Variants in ADGRD1 observed in about 807,000 individuals in gnomAD.
The protein encoded by ADGRD1 is G-protein coupled receptor 133.
In ADGRD1, 77 loss-of-function variants were observed where a neutral mutation model predicts 113.4. The observed-to-expected ratio is 0.68, with a 90% CI of 0.57 to 0.82. The LOEUF is 0.82. ADGRD1 is among the 40% of genes least tolerant of loss of function. The probability of loss-of-function intolerance (pLI) is 0.00; values close to 1 mark genes in which losing one functional copy is unlikely to be tolerated. For synonymous variants in ADGRD1, 474 were observed against 475.0 expected, an observed-to-expected ratio of 1.00 and a Z score of 0.03; for missense variants, 1,036 against 1,139.1, an observed-to-expected ratio of 0.91 and a Z score of 1.30.
rs7315869 is a variant in ADGRD1, at chr12:131,003,650, G to A, written c.1144+348G>A. On this transcript the variant is annotated intron_variant, in intron 10 of 24. Transcript: ENST00000261654. This position sits in a 1 kb window ranked among gnomAD's most constrained non-coding sequence, Gnocchi z 4.8. ...GGTTTCTGGCGTCAGCTTGCTCTCA[G>A]CTGGGCTCCAGGGTAATTGTCACAG... Among the ~76,000 whole-genome samples, 141,303 of 152,280 alleles carry A rather than the reference G, an allele frequency of 0.93. 66,465 individuals are homozygous for A. Among genetic ancestry groups the A allele is most frequent in the East Asian group, 1 (5,180 of 5,180 alleles).
intron 15 of ADGRD1, among the ~76,000 whole-genome samples, chr12:131,087,658 G>C (rs1179485777): frequency 6.6e-6 from 1 of 152,174 alleles, no homozygotes; most frequent in African/African-American, 2.4e-5. Context: ...ATCCCGAGGG[G>C]ATGTTCCTTA....
At chr12:131,120,971 G>A in intron 20 of ADGRD1, 58 bp downstream of exon 20, 4 of 1,511,858 alleles carry the variant, frequency 2.6e-6, no homozygotes, top group Non-Finnish European at 3.6e-6. Flanking sequence ...GGAGGAGAGG[G>A]TGTGGGGCTC....
chr12:131,042,844 GC>G (rs1422201806), intron 13 of ADGRD1, among the ~76,000 whole-genome samples: 2 of 152,260 alleles, frequency 1.3e-5, no homozygotes, highest in African/African-American at 4.8e-5. Context: ...GATTTAGCTG[GC>G]AACAGTTACG....
chr12:131,009,670 T>A (rs1877618348), intron 12 of ADGRD1, among the ~76,000 whole-genome samples: 1 of 152,082 alleles, frequency 6.6e-6, no homozygotes, highest in South Asian at 2.1e-4. Context: ...TGCACACAGG[T>A]GCATGTATGT....
Position 130,971,587 on chromosome 12 carries a change from G to A in ADGRD1, c.310+7G>A. The A allele has an allele frequency of 6.2e-7, 1 of 1,600,794 alleles. No individual in the cohort carries two copies. The highest frequency in any genetic ancestry group is 8.5e-7 in the Non-Finnish European group (1 of 1,173,918). ...GAGCAGTGTGGCCCTGAAGGTGAGTGGCTGATCCCTGCGGCATCTTTGTCA... is the reference window on the plus strand; with the variant it reads ...GAGCAGTGTGGCCCTGAAGGTGAGTAGCTGATCCCTGCGGCATCTTTGTCA... On this transcript the variant is annotated splice_region_variant and intron_variant, in intron 4 of 24. Coordinates refer to ENST00000261654, the MANE Select transcript of ADGRD1 (RefSeq NM_198827.5). The surrounding 1 kb of genome is among the most constrained non-coding windows in gnomAD (Gnocchi z 4.2).
intron 21 of ADGRD1, among the ~76,000 whole-genome samples, chr12:131,133,443 C>T (rs1214048070): frequency 2.0e-5 from 3 of 152,236 alleles, no homozygotes; most frequent in Non-Finnish European, 4.4e-5. Flanking sequence ...CTCCAAGCGA[C>T]AGGCTGGCAC....
intron 13 of ADGRD1, among the ~76,000 whole-genome samples, chr12:131,018,218 C>T (rs1315797695): frequency 6.6e-6 from 1 of 152,232 alleles, no homozygotes; most frequent in Non-Finnish European, 1.5e-5. Flanking sequence ...TCCCACTCCT[C>T]CAGCTCCCAG....
At chr12:130,995,908 G>A (rs1875236547) in intron 8 of ADGRD1, among the ~76,000 whole-genome samples, 1 of 152,150 alleles carries the variant, frequency 6.6e-6, no homozygotes. Context: ...GGTTTTCCTA[G>A]GCAGAGGACC....
chr12:131,087,652 C>T (rs960893440), intron 15 of ADGRD1, among the ~76,000 whole-genome samples: 5 of 152,204 alleles, frequency 3.3e-5, no homozygotes, highest in East Asian at 1.9e-4. Context: ...CAGATAATCC[C>T]GAGGGGATGT....
At position 131,004,187 on chromosome 12, in the gene ADGRD1, G is replaced by A. The variant is rs777405797; in HGVS notation, c.1146G>A (p.Glu382=). Residue 382 remains glutamate, a splice_region_variant and synonymous_variant, in exon 11 of 25, where the codon GAG becomes GAA. Coordinates refer to ENST00000261654, the MANE Select transcript of ADGRD1 (RefSeq NM_198827.5). ...VTVEGSSAMA[E]FSVAKILPKT... ...GCTCTCTCGCTCCTTCCACCGCAGA[G>A]TTTTCCGTGGCCAAAATCCTGCCCA... The A allele has an allele frequency of 7.5e-6, 12 of 1,610,336 alleles. No individual in the cohort carries two copies. The highest frequency in any genetic ancestry group is 1.3e-5 in the African/African-American group (1 of 74,800).
In ADGRD1 at chr12:130,966,125, C is replaced by T. The variant is rs751439846; in HGVS notation, c.104-338C>T. ...ACTCTAAAATAATGGTAAATAACAG[C>T]GGGATATGGAACATTCTTATCTTTT... is the stretch of plus-strand genomic sequence containing the variant. On this transcript the variant is annotated intron_variant, in intron 2 of 24. Transcript: ENST00000261654. The surrounding 1 kb of genome is among the most constrained non-coding windows in gnomAD (Gnocchi z 4.6). 8.5e-5 allele frequency among the ~76,000 whole-genome samples: 13 copies of T among 152,092 alleles called. No homozygotes were observed. The highest frequency in any genetic ancestry group is 1.2e-4 in the Non-Finnish European group (8 of 68,012).
intron 3 of ADGRD1, chr12:130,967,060 A>G: frequency 2.2e-6 from 1 of 455,340 alleles, no homozygotes. Flanking sequence ...CTCTATGTGC[A>G]AGTCAGGCGT....
chr12:131,058,021 T>G (rs1029931502), intron 13 of ADGRD1, among the ~76,000 whole-genome samples: 1 of 152,074 alleles, frequency 6.6e-6, no homozygotes, highest in Non-Finnish European at 1.5e-5. Context: ...GAAATAAGTA[T>G]TAAGAGAAGC....
intron 20 of ADGRD1, among the ~76,000 whole-genome samples, chr12:131,126,180 G>A (rs190927256): frequency 1.3e-5 from 2 of 152,336 alleles, no homozygotes; most frequent in East Asian, 3.9e-4. Flanking sequence ...TGATTAGGTT[G>A]TGAGGGCTTT....
At chr12:131,000,999 C>T (rs1036288470) in intron 9 of ADGRD1, among the ~76,000 whole-genome samples, 2 of 152,202 alleles carry the variant, frequency 1.3e-5, no homozygotes, top group African/African-American at 2.4e-5. Context: ...GTGTTACTGT[C>T]CTAAACATGG....
chr12:131,101,730 G>C (rs531868877), intron 15 of ADGRD1, among the ~76,000 whole-genome samples: 2 of 152,238 alleles, frequency 1.3e-5, no homozygotes, highest in East Asian at 3.9e-4. Context: ...TGAAGAGCTG[G>C]ACGTTCGTTT....
Position 130,992,361 on chromosome 12 carries a change from T to C in ADGRD1, c.935T>C (p.Leu312Pro), listed in dbSNP as rs769986310. 3.1e-6 allele frequency: 5 copies of C among 1,613,836 alleles called. No individual in the cohort carries two copies. The South Asian group carries it at 5.5e-5, about 18-fold the overall frequency. ...TCCCTCAGCTTACCCAGTAAGTCCC[T>C]CTCGGAGCAGACAGCCTTGAATCTC... ...NVSLSLPSKS[L>P]SEQTALNLTK... The change falls in exon 8 of 25, where the codon CTC becomes CCC. Residue 312 changes from leucine to proline, a missense_variant. Coordinates refer to ENST00000261654, the MANE Select transcript of ADGRD1 (RefSeq NM_198827.5).
At chr12:131,015,859 T>C (rs998307294) in intron 13 of ADGRD1, among the ~76,000 whole-genome samples, 1 of 152,224 alleles carries the variant, frequency 6.6e-6, no homozygotes, top group Non-Finnish European at 1.5e-5. Flanking sequence ...TACAGACTTA[T>C]TGTCAAACAC....
At chr12:130,983,915 A>T (rs916219891) in intron 5 of ADGRD1, among the ~76,000 whole-genome samples, 1 of 152,298 alleles carries the variant, frequency 6.6e-6, no homozygotes, top group African/African-American at 2.4e-5. Flanking sequence ...GGGAATCAAC[A>T]GTCAAAGTCT....
Sources: gnomAD v4.1 joint callset for allele counts (sites outside exome capture counted in the v4.1 genomes callset) on GRCh38, gnomAD v4.1.1 for gene constraint, Gnocchi (gnomAD v3.1) non-coding constraint, MANE v1.5 for transcripts, NCBI Gene and HGNC (gene_info 2026-07-23, HGNC 2026-07-21) for gene names.